Variants in ADNP observed in about 807,000 individuals in gnomAD.
ADNP encodes activity dependent neuroprotector homeobox.
ADNP carries 4 observed loss-of-function variants against 84.9 expected under a neutral mutation model. The ratio of observed to expected loss-of-function variants is 0.05; its 90% CI spans 0.02 to 0.11. ADNP has a LOEUF of 0.11. Ranked by LOEUF, ADNP falls within the 10% of genes least tolerant of loss-of-function variation. The pLI, the probability that ADNP is intolerant of heterozygous loss-of-function variation, is 1.00. For synonymous variants in ADNP, 554 were observed against 468.1 expected (o/e 1.18, Z -2.37); for missense variants, 1,132 against 1,326.0 (o/e 0.85, Z 2.27).
intron 2 of ADNP, among the ~76,000 whole-genome samples, chr20:50,915,172 T>C (rs1983414772): frequency 1.3e-5 from 2 of 152,210 alleles, no homozygotes; most frequent in South Asian, 2.1e-4. Flanking sequence ...ATCATTCTTG[T>C]ATTTGTGCAT....
chr20:50,893,200 T>C lies in ADNP; in HGVS notation c.1514A>G (p.Asn505Ser). 1.2e-6 allele frequency: 2 copies of C among 1,614,244 alleles called. No homozygotes were observed. Among genetic ancestry groups the C allele is most frequent in the Non-Finnish European group, 1.7e-6 (2 of 1,180,040 alleles). ...NRYLPTDTLL[N>S]HMLIHGLSCP... is the part of the protein sequence containing the mutation. ...AGACAGACCATGAATTAACATATGG[T>C]TGAGCAGAGTATCTGTGGGTAAATA... The change falls in exon 6 of 6, where the codon AAC (asparagine) becomes AGC (serine). Residue 505 changes from asparagine (N) to serine (S), a missense_variant. Around this residue, in one of 10 missense-constraint regions of ADNP, gnomAD observed 87 missense variants for 181.4 expected, o/e 0.48. Coordinates refer to ENST00000621696, the MANE Select transcript of ADNP (RefSeq NM_001282531.3). This position sits in a 1 kb window ranked among gnomAD's most constrained non-coding sequence, Gnocchi z 4.4.
chr20:50,911,694 T>C (rs1247790058), intron 2 of ADNP, among the ~76,000 whole-genome samples: 1 of 151,948 alleles, frequency 6.6e-6, no homozygotes, highest in East Asian at 1.9e-4. Flanking sequence ...GATGGCACCA[T>C]ATAGTCTGTA....
intron 2 of ADNP, chr20:50,914,282 G>A: frequency 1.4e-6 from 1 of 698,908 alleles, no homozygotes; most frequent in Non-Finnish European, 2.6e-6. Context: ...AGTGGAAGAA[G>A]CAAAACTGCT....
At chr20:50,911,472 G>A (rs548038140) in intron 2 of ADNP, among the ~76,000 whole-genome samples, 373 of 151,832 alleles carry the variant, frequency 2.5e-3, no homozygotes, top group Non-Finnish European at 4.6e-3. Context: ...ACATTATTTG[G>A]GTGATGGATA....
At position 50,931,133 on chromosome 20, in the gene ADNP, G is replaced by GCGCTCCTCT. The variant is rs1300236613; in HGVS notation, c.-581_-573dup. On this transcript the variant is annotated 5_prime_UTR_variant, in exon 1 of 6. Coordinates refer to ENST00000621696, the MANE Select transcript of ADNP (RefSeq NM_001282531.3). ...TTCACCGGCGCGGGCGGCGGCGGCC[G>GCGCTCCTCT]CGCTCCTCTCGCTCCTCAGCAGCGG... 2 of 151,466 alleles carry GCGCTCCTCT rather than the reference G, an allele frequency of 1.3e-5. No individual in the cohort carries two copies. The highest frequency in any genetic ancestry group is 3.0e-5 in the Non-Finnish European group (2 of 67,692). The allele number at this position is 151,466 out of a possible 1,614,324, so 9.4% of individuals were successfully genotyped here.
intron 1 of ADNP, among the ~76,000 whole-genome samples, chr20:50,930,042 G>T (rs574879276): frequency 6.6e-6 from 1 of 152,022 alleles, no homozygotes; most frequent in African/African-American, 2.4e-5. Flanking sequence ...ATCAAGGTTG[G>T]GGGGGAGGGG....
chr20:50,923,095 C>T (rs905849770), intron 2 of ADNP, among the ~76,000 whole-genome samples: 3 of 152,016 alleles, frequency 2.0e-5, no homozygotes, highest in East Asian at 1.9e-4. Context: ...TAACAAAACA[C>T]GGTAATGGGG....
intron 2 of ADNP, among the ~76,000 whole-genome samples, chr20:50,907,569 G>A (rs1176706678): frequency 6.6e-6 from 1 of 151,788 alleles, no homozygotes; most frequent in Non-Finnish European, 1.5e-5. Flanking sequence ...GCCTGGCCAG[G>A]AATGTATGTT....
At chr20:50,899,197 G>GTT (rs111552447) in intron 5 of ADNP, among the ~76,000 whole-genome samples, 43 of 140,916 alleles carry the variant, frequency 3.1e-4, no homozygotes, top group African/African-American at 7.3e-4. Flanking sequence ...TGGTAATGAG[G>GTT]TTTTTTTTTT....
At chr20:50,906,963 G>GTT (rs751919326) in intron 2 of ADNP, among the ~76,000 whole-genome samples, 3,076 of 118,552 alleles carry the variant, frequency 0.026, 149 homozygotes, top group East Asian at 0.062. Context: ...CAGGGTTCCA[G>GTT]TTTTTTTTTT....
At chr20:50,926,211 T>C (rs560798302) in intron 2 of ADNP, among the ~76,000 whole-genome samples, 1 of 152,224 alleles carries the variant, frequency 6.6e-6, no homozygotes, top group African/African-American at 2.4e-5. Context: ...TATTTACACA[T>C]AGGGGAGCAA....
rs114330796 is a variant in ADNP, at chr20:50,889,689, T to G, written c.*1716A>C. On this transcript the variant is annotated 3_prime_UTR_variant, in exon 6 of 6. Coordinates refer to ENST00000621696, the MANE Select transcript of ADNP (RefSeq NM_001282531.3). Reference sequence around the variant, plus strand: ...TTGAGGTGACTGACCAGCCTCCTCATGGATTGGAGTTTCCCATCATTGTTT... The same window carrying G: ...TTGAGGTGACTGACCAGCCTCCTCAGGGATTGGAGTTTCCCATCATTGTTT... 1,713 of 390,676 alleles carry G rather than the reference T, an allele frequency of 4.4e-3. 22 individuals carry two copies. Among genetic ancestry groups the G allele is most frequent in the African/African-American group, 0.032 (1,578 of 48,588 alleles). 24.2% of individuals were successfully genotyped at this position (390,676 alleles called of 1,614,324 possible).
chr20:50,922,578 GTTTTT>G (rs58775431), intron 2 of ADNP, among the ~76,000 whole-genome samples: 2 of 125,496 alleles, frequency 1.6e-5, no homozygotes, highest in African/African-American at 6.1e-5. Context: ...GTCCTCCTGC[GTTTTT>G]TTTTTTTTTT....
At chr20:50,928,176 A>G (rs1490008661) in intron 2 of ADNP, among the ~76,000 whole-genome samples, 1 of 152,230 alleles carries the variant, frequency 6.6e-6, no homozygotes, top group East Asian at 1.9e-4. Flanking sequence ...TTAACTAGGT[A>G]TCAAAGAATA....
intron 2 of ADNP, among the ~76,000 whole-genome samples, chr20:50,912,855 A>G (rs926288137): frequency 1.6e-5 from 2 of 125,930 alleles, no homozygotes; most frequent in Admixed American, 7.8e-5. Context: ...TAAAGTTGTA[A>G]AGAAAAACAC....
At chr20:50,930,597 G>A (rs1201452612) in intron 1 of ADNP, among the ~76,000 whole-genome samples, 1 of 152,156 alleles carries the variant, frequency 6.6e-6, no homozygotes, top group African/African-American at 2.4e-5. Context: ...CGGGCTGCAG[G>A]AGGAGGCGCC....
At chr20:50,916,704 A>C (rs971975731) in intron 2 of ADNP, among the ~76,000 whole-genome samples, 1 of 152,202 alleles carries the variant, frequency 6.6e-6, no homozygotes, top group Middle Eastern at 3.2e-3. Context: ...ATATGACATA[A>C]AAAATATTTT....
chr20:50,925,083 A>T (rs1984195790), intron 2 of ADNP, among the ~76,000 whole-genome samples: 2 of 152,182 alleles, frequency 1.3e-5, no homozygotes, highest in African/African-American at 4.8e-5. Context: ...CTTGTGAGTG[A>T]AATCTCAAGG....
intron 2 of ADNP, among the ~76,000 whole-genome samples, chr20:50,915,272 C>T (rs1387233528): frequency 6.6e-6 from 1 of 152,110 alleles, no homozygotes; most frequent in Non-Finnish European, 1.5e-5. Context: ...CGGTAAAACC[C>T]TATTTCTTCT....
Sources: allele counts gnomAD v4.1 joint callset (sites outside exome capture counted in the v4.1 genomes callset), GRCh38; gene constraint gnomAD v4.1.1; regional missense constraint gnomAD v4.1.1; non-coding constraint Gnocchi (gnomAD v3.1); transcripts MANE v1.5; gene names NCBI Gene and HGNC (gene_info 2026-07-23, HGNC 2026-07-21).